NUP205: variants seen among roughly 807,000 people sequenced by gnomAD.
NUP205 encodes the protein nuclear pore complex protein Nup205.
Under a neutral mutation model 253.8 loss-of-function variants are expected in NUP205, and 76 were observed. The observed-to-expected ratio is 0.30, with a 90% CI of 0.25 to 0.36. NUP205 has a LOEUF of 0.36. NUP205 is among the 10% of genes least tolerant of loss of function. The pLI, the probability that NUP205 is intolerant of heterozygous loss-of-function variation, is 1.00. For missense variants in NUP205, 2,162 were observed against 2,425.5 expected (o/e 0.89, Z 2.28); for synonymous variants, 832 against 850.1 (o/e 0.98, Z 0.37).
At position 135,635,632 on chromosome 7, in the gene NUP205, T is replaced by C. The variant is rs988630386; in HGVS notation, c.5111T>C (p.Leu1704Pro). Residue 1704 changes from leucine (L) to proline (P), a missense_variant, in exon 36 of 43, where the codon CTA becomes CCA. Physicochemically the swap from Leu to Pro is moderately conservative, Grantham distance 98. This residue lies in a region of NUP205 where 1,144 missense variants were observed against 1,280.9 expected (regional missense o/e 0.89). Transcript: ENST00000285968. ...GTAAATGAAGGGTCTCTAATGGAGC[T>C]ACAGGGACATATTGGAAGATTCCAG... ...VDVNEGSLMELQGHIGRFQRQ... is the reference protein window; with the variant it reads ...VDVNEGSLMEPQGHIGRFQRQ... 2.5e-6 allele frequency: 4 copies of C among 1,588,708 alleles called. No individual in the cohort carries two copies. The highest frequency in any genetic ancestry group is 4.5e-5 in the East Asian group (2 of 44,556).
At chr7:135,647,989 A>T (rs972171876) in intron 42 of NUP205, among the ~76,000 whole-genome samples, 1 of 152,160 alleles carries the variant, frequency 6.6e-6, no homozygotes, top group African/African-American at 2.4e-5. Flanking sequence ...AGTAAAAAGT[A>T]AAAGCTTCTT....
intron 1 of NUP205, among the ~76,000 whole-genome samples, chr7:135,559,201 T>G (rs1315096374): frequency 6.6e-6 from 1 of 152,224 alleles, no homozygotes; most frequent in Non-Finnish European, 1.5e-5. Flanking sequence ...CTTAAACTAC[T>G]TAGTGCTACT....
In NUP205 at chr7:135,563,645, T is replaced by G. The variant is rs977020935; in HGVS notation, c.28+5673T>G. Among the ~76,000 whole-genome samples the G allele has an allele frequency of 1.9e-4, 29 of 152,252 alleles. 1 individual carries two copies. The highest frequency in any genetic ancestry group is 6.7e-4 in the African/African-American group (28 of 41,516). On this transcript the variant is annotated intron_variant, in intron 1 of 42. Coordinates refer to ENST00000285968, the MANE Select transcript of NUP205 (RefSeq NM_015135.3). Reference sequence around the variant, plus strand: ...AAATGTATTTCTCAACTGACTAAACTACATGGTAAAAATACATATTTAGTA... The same window carrying G: ...AAATGTATTTCTCAACTGACTAAACGACATGGTAAAAATACATATTTAGTA...
intron 35 of NUP205, among the ~76,000 whole-genome samples, chr7:135,630,993 AC>A (rs1246532817): frequency 6.6e-6 from 1 of 151,826 alleles, no homozygotes; most frequent in African/African-American, 2.4e-5. Context: ...GAGATAACTA[AC>A]ACTCAAAATC....
intron 22 of NUP205, among the ~76,000 whole-genome samples, chr7:135,612,665 A>G (rs1417845688): frequency 6.6e-6 from 1 of 152,200 alleles, no homozygotes; most frequent in Non-Finnish European, 1.5e-5. Context: ...TGCAGTTTGT[A>G]GCTGTTCTCC....
At chr7:135,580,377 G>A (rs1298473961) in intron 7 of NUP205, among the ~76,000 whole-genome samples, 1 of 152,094 alleles carries the variant, frequency 6.6e-6, no homozygotes, top group Non-Finnish European at 1.5e-5. Flanking sequence ...TCACCTGTAC[G>A]TACCCTCATC....
At chr7:135,570,714 A>AATTTATATTTGTATATTATATTAATAT (rs1805947076) in intron 1 of NUP205, among the ~76,000 whole-genome samples, 1 of 42,578 alleles carries the variant, frequency 2.3e-5, no homozygotes, top group Non-Finnish European at 4.5e-5. Context: ...ATATTAATAT[A>AATTTATATTTGTATATTATATTAATAT]ATTAATTATA....
chr7:135,620,251 C>T (rs909755863), intron 30 of NUP205, among the ~76,000 whole-genome samples: 2 of 152,102 alleles, frequency 1.3e-5, no homozygotes, highest in Admixed American at 6.6e-5. Context: ...TAAAATATCT[C>T]GGCCTGGCAT....
At chr7:135,599,925 A>G (rs1793928135) in intron 15 of NUP205, among the ~76,000 whole-genome samples, 1 of 152,190 alleles carries the variant, frequency 6.6e-6, no homozygotes, top group Non-Finnish European at 1.5e-5. Context: ...TCCTAAATCC[A>G]TTATTATGTG....
At chr7:135,622,178 A>T (rs568619421) in intron 30 of NUP205, among the ~76,000 whole-genome samples, 34 of 151,666 alleles carry the variant, frequency 2.2e-4, no homozygotes, top group African/African-American at 7.7e-4. Context: ...TAATCCCAGC[A>T]CTTTGGGAGG....
At chr7:135,564,798 C>T (rs4728357) in intron 1 of NUP205, among the ~76,000 whole-genome samples, 39,464 of 151,434 alleles carry the variant, frequency 0.26, 5,412 homozygotes, top group Middle Eastern at 0.41. Flanking sequence ...GATGGAGTCT[C>T]ACTCTGTCTT....
rs1326922831 is a variant in NUP205, at chr7:135,606,732, T to C, written c.2906-19T>C. ...CTTTCCACTGTTTTGTAATTTTGTT[T>C]TGTGATTTCTGCATTAAGGATCAGA... On this transcript the variant is annotated intron_variant, in intron 20 of 42. Coordinates refer to ENST00000285968, the MANE Select transcript of NUP205 (RefSeq NM_015135.3). 1 of 1,603,728 alleles carries C rather than the reference T, an allele frequency of 6.2e-7. No individual in the cohort carries two copies. The highest frequency in any genetic ancestry group is 2.2e-5 in the East Asian group (1 of 44,722).
At chr7:135,617,554 A>T in intron 26 of NUP205, 48 bp from the exon 27 acceptor site, 1 of 1,390,888 alleles carries the variant, frequency 7.2e-7, no homozygotes, top group Non-Finnish European at 1.0e-6. Flanking sequence ...TTACTGTTCT[A>T]CCAGTGTCTG....
chr7:135,648,528 G>A lies in NUP205; in HGVS notation c.6011G>A (p.Arg2004His), dbSNP rs564542852. Residue 2004 changes from arginine (R) to histidine (H), a missense_variant, in exon 43 of 43, where the codon CGT becomes CAT. Transcript: ENST00000285968. The part of the protein sequence containing the change: ...SFIQALVRRI[R>H]GLLRISRN Reference sequence around the variant, plus strand: ...ATACAGGCTCTTGTCAGACGTATCCGTGGCCTCTTGAGGATATCAAGGAAC... The same window carrying A: ...ATACAGGCTCTTGTCAGACGTATCCATGGCCTCTTGAGGATATCAAGGAAC... 55 of 1,590,778 alleles carry A rather than the reference G, an allele frequency of 3.5e-5. No homozygotes were observed. The South Asian group carries it at 3.6e-4, about 10-fold the overall frequency.
chr7:135,584,797 T>C, intron 7 of NUP205, 35 bp from the exon 8 acceptor site: 1 of 1,593,970 alleles, frequency 6.3e-7, no homozygotes, highest in Non-Finnish European at 8.6e-7. Context: ...TAATGACTTT[T>C]CCTCCATGTA....
chr7:135,638,777 C>G (rs761117318), intron 38 of NUP205, 94 bp downstream of exon 38: 7 of 1,257,828 alleles, frequency 5.6e-6, no homozygotes, highest in Non-Finnish European at 8.0e-6. Flanking sequence ...GCAGTATTTT[C>G]TTTTAAGTGT....
chr7:135,592,662 G>A (rs1289263169), intron 11 of NUP205, among the ~76,000 whole-genome samples: 2 of 152,128 alleles, frequency 1.3e-5, no homozygotes, highest in Admixed American at 6.6e-5. Context: ...CGAGGCAGGC[G>A]GATCACTTGA....
At chr7:135,559,794 CA>C (rs568144011) in intron 1 of NUP205, among the ~76,000 whole-genome samples, 17 of 151,796 alleles carry the variant, frequency 1.1e-4, no homozygotes, top group Non-Finnish European at 2.4e-4. Flanking sequence ...TGGGTTGGAG[CA>C]ACTCTCCTGC....
chr7:135,639,079 C>T (rs777572167), intron 38 of NUP205, among the ~76,000 whole-genome samples: 15 of 152,058 alleles, frequency 9.9e-5, no homozygotes, highest in Non-Finnish European at 1.8e-4. Context: ...TATAACATAA[C>T]GAAATACAAT....
Sources: allele counts gnomAD v4.1 joint callset (sites outside exome capture counted in the v4.1 genomes callset), GRCh38; gene constraint gnomAD v4.1.1; regional missense constraint gnomAD v4.1.1; transcripts MANE v1.5; gene names NCBI Gene and HGNC (gene_info 2026-07-23, HGNC 2026-07-21).